Variants in DNAJC5 observed in about 807,000 individuals in gnomAD.
DNAJC5 encodes DnaJ heat shock protein family (Hsp40) member C5, also known as dnaJ homolog subfamily C member 5.
In DNAJC5, 1 loss-of-function variant was observed where a neutral mutation model predicts 23.2. The observed-to-expected ratio is 0.04, with a 90% CI of 0.02 to 0.20. The LOEUF (loss-of-function observed/expected upper bound fraction) is 0.20. Ranked by LOEUF, DNAJC5 falls within the 10% of genes least tolerant of loss-of-function variation. DNAJC5 has a pLI of 1.00. For missense variants in DNAJC5, 180 were observed against 267.0 expected (o/e 0.67, Z 2.27); for synonymous variants, 136 against 120.0 (o/e 1.13, Z -0.87).
intron 1 of DNAJC5, among the ~76,000 whole-genome samples, chr20:63,914,758 G>A (rs1320312510): frequency 1.3e-5 from 2 of 151,888 alleles, no homozygotes; most frequent in Non-Finnish European, 2.9e-5. Flanking sequence ...TGGGATTACA[G>A]GCACCTGCCA....
At chr20:63,924,421 G>T (rs1568986463) in intron 1 of DNAJC5, among the ~76,000 whole-genome samples, 1 of 152,134 alleles carries the variant, frequency 6.6e-6, no homozygotes, top group South Asian at 2.1e-4. Context: ...AGGTCTCACT[G>T]TGTCACCCAG....
In DNAJC5 at chr20:63,928,914, C is replaced by G. The variant is rs527352783; in HGVS notation, c.108-398C>G. 2.6e-5 allele frequency among the ~76,000 whole-genome samples: 4 copies of G among 152,362 alleles called. No homozygotes were observed. Among genetic ancestry groups the G allele is most frequent in the East Asian group, 3.9e-4 (2 of 5,190 alleles). On this transcript the variant is annotated intron_variant, in intron 2 of 4. Coordinates refer to ENST00000360864, the MANE Select transcript of DNAJC5 (RefSeq NM_025219.3). This position sits in a 1 kb window ranked among gnomAD's most constrained non-coding sequence, Gnocchi z 4.6. The stretch of plus-strand genomic sequence containing the variant: ...ACTAATCCAGACAATTCAGATAGTC[C>G]TCCTCTCGTGTGCTAGCATCGTGTA...
chr20:63,900,576 C>CAAAAAA lies in DNAJC5; in HGVS notation c.-12+5271_-12+5276dup, dbSNP rs752326573. ...TGGGCGACAGAGCAAGACACTGTCT[C>CAAAAAA]AAAAAAAAAAAAAAAAAAAAAAAGG... On this transcript the variant is annotated intron_variant, in intron 1 of 4. Transcript: ENST00000360864. Among the ~76,000 whole-genome samples, 384 of 65,188 alleles carry CAAAAAA rather than the reference C, an allele frequency of 5.9e-3. 16 individuals are homozygous for CAAAAAA. The highest frequency in any genetic ancestry group is 0.012 in the African/African-American group (192 of 15,388). 42.8% of individuals were successfully genotyped at this position (65,188 alleles called of 152,430 possible). A position where few individuals can be genotyped will look rare whatever the true frequency, so the allele number is the denominator to read the frequency against.
Position 63,928,391 on chromosome 20 carries a change from T to C in DNAJC5, c.46T>C (p.Leu16=), listed in dbSNP as rs371819808. ...QRSLSTSGES[L]YHVLGLDKNA... is the part of the protein sequence containing the mutation. ...CTCACTGTCTACCTCTGGGGAGTCA[T>C]TGTACCACGTCCTTGGGTTGGACAA... Residue 16 remains leucine, a synonymous_variant, in exon 2 of 5, where the codon TTG becomes CTG. Transcript: ENST00000360864. This position sits in a 1 kb window ranked among gnomAD's most constrained non-coding sequence, Gnocchi z 4.6. The C allele has an allele frequency of 9.9e-6, 16 of 1,613,954 alleles. No homozygotes were observed. Among genetic ancestry groups the C allele is most frequent in the Admixed American group, 6.7e-5 (4 of 59,976 alleles).
chr20:63,903,760 G>A (rs1443409554), intron 1 of DNAJC5, among the ~76,000 whole-genome samples: 2 of 151,250 alleles, frequency 1.3e-5, no homozygotes, highest in African/African-American at 4.9e-5. Flanking sequence ...GACTAGCCTG[G>A]CCAACATGGC....
At chr20:63,918,812 T>C (rs984423879) in intron 1 of DNAJC5, among the ~76,000 whole-genome samples, 3 of 152,196 alleles carry the variant, frequency 2.0e-5, no homozygotes, top group Non-Finnish European at 4.4e-5. Context: ...GCCAGGATGG[T>C]CTCGATCTCC....
chr20:63,909,707 C>T (rs550999867), intron 1 of DNAJC5, among the ~76,000 whole-genome samples: 1 of 152,144 alleles, frequency 6.6e-6, no homozygotes, highest in African/African-American at 2.4e-5. Flanking sequence ...AGAAAAAAGT[C>T]TTCCCCGTGA....
At chr20:63,902,007 A>G (rs149575377) in intron 1 of DNAJC5, among the ~76,000 whole-genome samples, 182 of 152,184 alleles carry the variant, frequency 1.2e-3, no homozygotes, top group African/African-American at 4.2e-3. Flanking sequence ...TGCCAGTCGC[A>G]ATAAATTTTG....
chr20:63,910,741 C>T (rs1016523332), intron 1 of DNAJC5, among the ~76,000 whole-genome samples: 2 of 151,118 alleles, frequency 1.3e-5, no homozygotes, highest in South Asian at 2.1e-4. Flanking sequence ...GGTATGATCT[C>T]GGCTCAGTGC....
At chr20:63,930,739 T>G in intron 3 of DNAJC5, 112 bp from the exon 4 acceptor site, 1 of 1,529,114 alleles carries the variant, frequency 6.5e-7, no homozygotes. Flanking sequence ...TGGAAGGCAG[T>G]ATCCCCACCT....
intron 1 of DNAJC5, among the ~76,000 whole-genome samples, chr20:63,912,669 G>T (rs987768302): frequency 6.6e-6 from 1 of 152,102 alleles, no homozygotes; most frequent in East Asian, 1.9e-4. Context: ...GTGCAGTGGC[G>T]TGATCTCAGC....
rs1359955848 is a variant in DNAJC5, at chr20:63,929,661, C to T, written c.321+136C>T. ...GAGTCTCTCCTGCCGTGCGGGCACCCGAGTCTCTCCTGCCGTGCGGGCACC... is the reference window on the plus strand; with the variant it reads ...GAGTCTCTCCTGCCGTGCGGGCACCTGAGTCTCTCCTGCCGTGCGGGCACC... On this transcript the variant is annotated intron_variant, in intron 3 of 4. Coordinates refer to ENST00000360864, the MANE Select transcript of DNAJC5 (RefSeq NM_025219.3). This position sits in a 1 kb window ranked among gnomAD's most constrained non-coding sequence, Gnocchi z 8.6. The T allele has an allele frequency of 4.3e-5, 35 of 816,706 alleles. No homozygotes were observed. The highest frequency in any genetic ancestry group is 3.8e-4 in the African/African-American group (22 of 57,872). The allele number at this position is 816,706 out of a possible 1,614,324, so 50.6% of individuals were successfully genotyped here.
At chr20:63,924,344 A>G (rs79331902) in intron 1 of DNAJC5, among the ~76,000 whole-genome samples, 2,056 of 152,274 alleles carry the variant, frequency 0.014, 33 homozygotes, top group African/African-American at 0.046. Context: ...TTAGTATCTT[A>G]GCAATTTGTG....
chr20:63,904,871 T>G (rs2053437011), intron 1 of DNAJC5, among the ~76,000 whole-genome samples: 1 of 152,176 alleles, frequency 6.6e-6, no homozygotes, highest in Admixed American at 6.5e-5. Flanking sequence ...CGGCGCGATC[T>G]CGGCTCACTG....
chr20:63,914,444 C>T (rs928306400), intron 1 of DNAJC5, among the ~76,000 whole-genome samples: 18 of 151,346 alleles, frequency 1.2e-4, no homozygotes, highest in South Asian at 1.0e-3. Context: ...TCTTCCGAGT[C>T]GCTGGGACTA....
chr20:63,921,859 ACCT>A (rs1451935331), intron 1 of DNAJC5, among the ~76,000 whole-genome samples: 3 of 151,112 alleles, frequency 2.0e-5, no homozygotes, highest in African/African-American at 4.9e-5. Context: ...GTTCACTGCA[ACCT>A]CCTCCTCCCG....
At chr20:63,921,931 G>T (rs577833792) in intron 1 of DNAJC5, among the ~76,000 whole-genome samples, 9 of 151,826 alleles carry the variant, frequency 5.9e-5, no homozygotes, top group Admixed American at 1.3e-4. Context: ...GATGCACACC[G>T]TCACACCCAG....
chr20:63,910,671 GTTTT>G (rs1555877875), intron 1 of DNAJC5, among the ~76,000 whole-genome samples: 1 of 101,744 alleles, frequency 9.8e-6, no homozygotes, highest in Non-Finnish European at 1.8e-5. Context: ...TTTTGAGAAT[GTTTT>G]TTTTTTTTTT....
rs1238761327 is a variant in DNAJC5 at position 63,931,661 on chromosome 20, C to G, written c.*93C>G. ...GTAGTCACAGAGATGGGAAGGCAGC[C>G]TCCTGCCTGCCCTGGCCTTGCTGGG... On this transcript the variant is annotated 3_prime_UTR_variant, in exon 5 of 5. Coordinates refer to ENST00000360864, the MANE Select transcript of DNAJC5 (RefSeq NM_025219.3). The surrounding 1 kb of genome is among the most constrained non-coding windows in gnomAD (Gnocchi z 9.6). 3.8e-6 allele frequency: 5 copies of G among 1,322,086 alleles called. No individual in the cohort carries two copies. The highest frequency in any genetic ancestry group is 5.3e-6 in the Non-Finnish European group (5 of 952,024). The allele number at this position is 1,322,086 out of a possible 1,614,324, so 81.9% of individuals were successfully genotyped here. A position where few individuals can be genotyped will look rare whatever the true frequency, so the allele number is the denominator to read the frequency against.
Sources: gnomAD v4.1 joint callset for allele counts (sites outside exome capture counted in the v4.1 genomes callset) on GRCh38, gnomAD v4.1.1 for gene constraint, Gnocchi (gnomAD v3.1) non-coding constraint, MANE v1.5 for transcripts, NCBI Gene and HGNC (gene_info 2026-07-23, HGNC 2026-07-21) for gene names.